The following ZNF587 variants were observed in gnomAD, a reference collection of about 807,000 sequenced individuals.
The protein encoded by ZNF587 is zinc finger protein zfp6.
A neutral mutation model predicts 7.5 loss-of-function variants in ZNF587; 8 were observed. The observed-to-expected ratio is 1.06, with a 90% CI of 0.62 to 1.92. The LOEUF is 1.92. Ranked by LOEUF, ZNF587 falls within the 40% of genes most tolerant of loss-of-function variation. The pLI is 0.00. For missense variants in ZNF587, 468 were observed against 692.8 expected (o/e 0.68, Z 3.64); for synonymous variants, 145 against 237.8 (o/e 0.61, Z 3.59).
chr19:57,861,578 C>G lies in ZNF587; in HGVS notation c.*1438C>G, dbSNP rs1243155872. The G allele has an allele frequency of 6.6e-6, 1 of 152,168 alleles. No individual in the cohort carries two copies. Among genetic ancestry groups the G allele is most frequent in the African/African-American group, 2.4e-5 (1 of 41,426 alleles). 9.4% of individuals were successfully genotyped at this position (152,168 alleles called of 1,614,324 possible). A position where few individuals can be genotyped will look rare whatever the true frequency, so the allele number is the denominator to read the frequency against. ...TCCTGGGCTCAGGCGATCCACTTGCCTAGGCTCCAAAAGTGCTTGGTCTAC... is the reference window on the plus strand; with the variant it reads ...TCCTGGGCTCAGGCGATCCACTTGCGTAGGCTCCAAAAGTGCTTGGTCTAC... On this transcript the variant is annotated 3_prime_UTR_variant, in exon 3 of 3. Coordinates refer to ENST00000339656, the MANE Select transcript of ZNF587 (RefSeq NM_032828.4).
chr19:57,857,413 A>C (rs900519850), intron 2 of ZNF587: 1 of 152,050 alleles, frequency 6.6e-6, no homozygotes, highest in Non-Finnish European at 1.5e-5. Context: ...ACTAATACTC[A>C]CATTTCTGGA....
At chr19:57,855,207 T>C (rs569820977) in intron 1 of ZNF587, among the ~76,000 whole-genome samples, 4 of 150,534 alleles carry the variant, frequency 2.7e-5, no homozygotes, top group South Asian at 2.1e-4. Context: ...TAGCCGAGTG[T>C]AGTGGTACAT....
Position 57,859,380 on chromosome 19 carries a change from CT to C in ZNF587, c.970del (p.Tyr324MetfsTer156). ...CAGCTTGTTCACACTGGAGAAGGGC[CT>C]TATGAGTGTAGAGAATGTGGGAAAT... ...SHQLVHTGEG[P>X]YECRECGKSF... On this transcript the variant is annotated frameshift_variant, in exon 3 of 3. Coordinates refer to ENST00000339656, the MANE Select transcript of ZNF587 (RefSeq NM_032828.4). LOFTEE classifies it low-confidence loss of function (END_TRUNC). The C allele has an allele frequency of 6.2e-7, 1 of 1,609,522 alleles. No individual in the cohort carries two copies.
At position 57,861,025 on chromosome 19, in the gene ZNF587, CT is replaced by C. The variant is rs150136237; in HGVS notation, c.*895del. On this transcript the variant is annotated 3_prime_UTR_variant, in exon 3 of 3. Coordinates refer to ENST00000339656, the MANE Select transcript of ZNF587 (RefSeq NM_032828.4). ...GGTGTGCACCACCATGCCTGGATAA[CT>C]TTTTTTTTTATTTCTATTAGCAATG... 1.7e-4 allele frequency: 26 copies of C among 149,774 alleles called. No individual in the cohort carries two copies. The highest frequency in any genetic ancestry group is 1.9e-4 in the Non-Finnish European group (13 of 67,226). 9.3% of individuals were successfully genotyped at this position (149,774 alleles called of 1,614,324 possible).
intron 1 of ZNF587, among the ~76,000 whole-genome samples, chr19:57,855,564 TG>T (rs1435085288): frequency 1.4e-5 from 2 of 146,886 alleles, no homozygotes; most frequent in African/African-American, 2.6e-5. Context: ...GGGCTTTTTT[TG>T]TTTTTTTTTT....
At chr19:57,850,211 T>G (rs1262427068) in intron 1 of ZNF587, 140 bp downstream of exon 1, 2 of 1,504,762 alleles carry the variant, frequency 1.3e-6, no homozygotes, top group African/African-American at 1.4e-5. Flanking sequence ...AGGCCTCTCC[T>G]TGTAACCGTC....
At chr19:57,855,012 T>A (rs1377184557) in intron 1 of ZNF587, among the ~76,000 whole-genome samples, 12 of 142,156 alleles carry the variant, frequency 8.4e-5, no homozygotes, top group Non-Finnish European at 1.4e-4. Flanking sequence ...CCGTCTCTAC[T>A]AAAAAAAAAA....
intron 1 of ZNF587, among the ~76,000 whole-genome samples, chr19:57,853,300 C>T (rs1030319491): frequency 6.6e-6 from 1 of 152,132 alleles, no homozygotes; most frequent in Non-Finnish European, 1.5e-5. Flanking sequence ...TGTGGATATC[C>T]AGAGGGTTGT....
intron 1 of ZNF587, among the ~76,000 whole-genome samples, chr19:57,855,255 G>C (rs1180007637): frequency 6.6e-6 from 1 of 152,068 alleles, no homozygotes; most frequent in African/African-American, 2.4e-5. Flanking sequence ...TGAGGCACAA[G>C]AATCACTTGA....
rs548612241 is a variant in ZNF587 at position 57,849,878 on chromosome 19, C to T, written c.-161C>T. 821 of 1,502,488 alleles carry T rather than the reference C, an allele frequency of 5.5e-4. No individual in the cohort carries two copies. Among genetic ancestry groups the T allele is most frequent in the Non-Finnish European group, 6.3e-4 (709 of 1,124,824 alleles). 93.1% of individuals were successfully genotyped at this position (1,502,488 alleles called of 1,614,324 possible). The stretch of plus-strand genomic sequence containing the variant: ...GTCTCTAGTAGCGGCTGTGTATCGG[C>T]GATGCGGGTGTTTCCCCAGTTTGTG... On this transcript the variant is annotated 5_prime_UTR_variant, in exon 1 of 3. Coordinates refer to ENST00000339656, the MANE Select transcript of ZNF587 (RefSeq NM_032828.4).
chr19:57,850,074 A>G lies in ZNF587; in HGVS notation c.33+3A>G, dbSNP rs1191302443. The G allele has an allele frequency of 4.3e-6, 7 of 1,614,128 alleles. No homozygotes were observed. Among genetic ancestry groups the G allele is most frequent in the East Asian group, 2.2e-5 (1 of 44,890 alleles). ...CTGTGCCGAGGCGCCCAACTCAGGT[A>G]ATTGTGGTGCCTTCTGTGCCCTCAG... On this transcript the variant is annotated splice_donor_region_variant and intron_variant, in intron 1 of 2. Coordinates refer to ENST00000339656, the MANE Select transcript of ZNF587 (RefSeq NM_032828.4).
Position 57,858,421 on chromosome 19 carries a change from C to T in ZNF587, c.164-155C>T, listed in dbSNP as rs2122347077. 10 of 1,447,866 alleles carry T rather than the reference C, an allele frequency of 6.9e-6. No individual in the cohort carries two copies. The South Asian group carries it at 1.5e-4, about 21-fold the overall frequency. The allele number at this position is 1,447,866 out of a possible 1,614,324, so 89.7% of individuals were successfully genotyped here. ...GGATTACAGGTGTGAGCCACCATGC[C>T]CAGCCAGCAGCCCCATCTTCAACTT... On this transcript the variant is annotated intron_variant, in intron 2 of 2. Transcript: ENST00000339656.
intron 1 of ZNF587, among the ~76,000 whole-genome samples, chr19:57,855,356 C>T (rs2071338584): frequency 1.3e-5 from 2 of 151,966 alleles, no homozygotes; most frequent in Non-Finnish European, 2.9e-5. Context: ...AAAAAATCCC[C>T]CAAAAATAAA....
intron 1 of ZNF587, 25 bp from the exon 2 acceptor site, chr19:57,856,079 G>A (rs777737452): frequency 3.1e-6 from 5 of 1,612,544 alleles, no homozygotes; most frequent in Middle Eastern, 1.7e-4. Flanking sequence ...GGGGCTGCTT[G>A]TGGTTTCATC....
At chr19:57,856,698 A>G (rs1275725189) in intron 2 of ZNF587, among the ~76,000 whole-genome samples, 7 of 151,846 alleles carry the variant, frequency 4.6e-5, no homozygotes, top group South Asian at 2.1e-4. Flanking sequence ...GTGAGCCACC[A>G]CGCCCAGCCA....
Position 57,862,324 on chromosome 19 carries a change from C to G in ZNF587, c.*2184C>G, listed in dbSNP as rs2071443170. 1 of 152,144 alleles carries G rather than the reference C, an allele frequency of 6.6e-6. No individual in the cohort carries two copies. Among genetic ancestry groups the G allele is most frequent in the Non-Finnish European group, 1.5e-5 (1 of 68,022 alleles). The allele number at this position is 152,144 out of a possible 1,614,324, so 9.4% of individuals were successfully genotyped here. A position where few individuals can be genotyped will look rare whatever the true frequency, so the allele number is the denominator to read the frequency against. On this transcript the variant is annotated 3_prime_UTR_variant, in exon 3 of 3. Transcript: ENST00000339656. ...GTAGAAACAAGAACTTTATGTTATC[C>G]AAGTTCTAGGATAGCCATGAGCTCC...
intron 1 of ZNF587, among the ~76,000 whole-genome samples, chr19:57,854,746 TTTTA>T (rs1276965946): frequency 1.3e-5 from 2 of 152,000 alleles, no homozygotes; most frequent in Non-Finnish European, 2.9e-5. Flanking sequence ...TGTGAAATAA[TTTTA>T]TTTGTAGGCG....
In ZNF587 at chr19:57,862,301, A is replaced by G. The variant is rs1214443238; in HGVS notation, c.*2161A>G. The G allele has an allele frequency of 1.3e-5, 2 of 152,214 alleles. No homozygotes were observed. The highest frequency in any genetic ancestry group is 4.8e-5 in the African/African-American group (2 of 41,458). The allele number at this position is 152,214 out of a possible 1,614,324, so 9.4% of individuals were successfully genotyped here. On this transcript the variant is annotated 3_prime_UTR_variant, in exon 3 of 3. Transcript: ENST00000339656. The stretch of plus-strand genomic sequence containing the variant: ...CATATGGAAAGGATACACACTTTGT[A>G]GAAACAAGAACTTTATGTTATCCAA...
At chr19:57,856,055 G>A (rs751862333) in intron 1 of ZNF587, 49 bp from the exon 2 acceptor site, 2 of 1,609,056 alleles carry the variant, frequency 1.2e-6, no homozygotes, top group Admixed American at 3.4e-5. Context: ...GGTGGGTTGT[G>A]GTACCTCAGC....
Sources: allele counts gnomAD v4.1 joint callset (sites outside exome capture counted in the v4.1 genomes callset), GRCh38; gene constraint gnomAD v4.1.1; transcripts MANE v1.5; gene names NCBI Gene and HGNC (gene_info 2026-07-23, HGNC 2026-07-21).